SBNO1: variants seen among roughly 807,000 people sequenced by gnomAD.
The protein encoded by SBNO1 is strawberry notch homolog 1.
A neutral mutation model predicts 173.6 loss-of-function variants in SBNO1; 23 were observed. The observed-to-expected ratio is 0.13, with a 90% CI of 0.10 to 0.19. The LOEUF (loss-of-function observed/expected upper bound fraction) is 0.19. SBNO1 is among the 10% of genes least tolerant of loss of function. SBNO1 has a pLI of 1.00. For missense variants in SBNO1, 1,238 were observed against 1,671.2 expected (o/e 0.74, Z 4.52); for synonymous variants, 632 against 571.5 (o/e 1.11, Z -1.51).
intron 1 of SBNO1, among the ~76,000 whole-genome samples, chr12:123,358,099 G>A (rs532333679): frequency 5.9e-5 from 9 of 152,296 alleles, no homozygotes; most frequent in Admixed American, 2.0e-4. Flanking sequence ...CATACATAAT[G>A]AGATATCTTA....
intron 25 of SBNO1, 99 bp downstream of exon 25, chr12:123,310,956 A>C (rs1462334735): frequency 1.0e-5 from 9 of 898,054 alleles, no homozygotes; most frequent in Non-Finnish European, 1.3e-5. Context: ...AGAATGTTTT[A>C]AGAACATGAA....
At chr12:123,361,370 G>C (rs1875141356) in intron 1 of SBNO1, among the ~76,000 whole-genome samples, 1 of 151,712 alleles carries the variant, frequency 6.6e-6, no homozygotes, top group Admixed American at 6.6e-5. Context: ...TCAACATGCA[G>C]AAACCCCGTC....
intron 1 of SBNO1, among the ~76,000 whole-genome samples, chr12:123,353,699 A>G (rs1411083095): frequency 1.3e-5 from 2 of 152,234 alleles, no homozygotes; most frequent in African/African-American, 2.4e-5. Flanking sequence ...ACAAGTACCT[A>G]GAGCTCTAAA....
At chr12:123,351,703 G>A (rs878897409) in intron 1 of SBNO1, among the ~76,000 whole-genome samples, 1 of 152,184 alleles carries the variant, frequency 6.6e-6, no homozygotes, top group Admixed American at 6.6e-5. Context: ...GGAGCAGAAT[G>A]ACATCTTGGG....
Position 123,348,125 on chromosome 12 carries a change from T to C in SBNO1, c.141A>G (p.Pro47=). 6.3e-7 allele frequency: 1 copy of C among 1,592,826 alleles called. No individual in the cohort carries two copies. Among genetic ancestry groups the C allele is most frequent in the Middle Eastern group, 1.7e-4 (1 of 6,004 alleles). The change falls in exon 3 of 32, where the codon CCA becomes CCG. Residue 47 remains proline (P), a synonymous_variant. Coordinates refer to ENST00000602398, the MANE Select transcript of SBNO1 (RefSeq NM_001167856.3). Reference sequence around the variant, plus strand: ...CCAAACCTAGTTCTAATGCACTAAGTGGCACTGACTGGAGAGAAAACAACA... The same window carrying C: ...CCAAACCTAGTTCTAATGCACTAAGCGGCACTGACTGGAGAGAAAACAACA... The part of the protein sequence containing the change: ...MPTPSVQQSV[P]LSALELGLET...
intron 1 of SBNO1, among the ~76,000 whole-genome samples, chr12:123,352,767 T>C (rs1178642367): frequency 3.3e-5 from 5 of 151,982 alleles, no homozygotes; most frequent in East Asian, 1.9e-4. Flanking sequence ...GGCAGACCAC[T>C]GTGTAGAAGA....
chr12:123,325,916 G>C (rs1186904150), intron 14 of SBNO1, among the ~76,000 whole-genome samples: 2 of 152,134 alleles, frequency 1.3e-5, no homozygotes, highest in African/African-American at 4.8e-5. Context: ...ACATCCATAT[G>C]TTACCAGTGC....
At chr12:123,332,549 C>T (rs1001947075) in intron 7 of SBNO1, among the ~76,000 whole-genome samples, 12 of 151,216 alleles carry the variant, frequency 7.9e-5, no homozygotes, top group Admixed American at 7.9e-4. Context: ...GCTTCAGCCT[C>T]CCAAAGTGCC....
intron 17 of SBNO1, 23 bp from the exon 18 acceptor site, chr12:123,320,889 T>C (rs763545828): frequency 2.7e-6 from 4 of 1,497,004 alleles, no homozygotes; most frequent in Non-Finnish European, 3.6e-6. Flanking sequence ...GAAAGATACA[T>C]GTCAAATCAT....
chr12:123,322,867 C>T (rs996923705), intron 16 of SBNO1, among the ~76,000 whole-genome samples: 2 of 147,754 alleles, frequency 1.4e-5, no homozygotes, highest in African/African-American at 2.5e-5. Flanking sequence ...GTGACGGAGA[C>T]GGAGACCCTG....
chr12:123,319,860 C>A, intron 20 of SBNO1, 40 bp downstream of exon 20: 1 of 1,583,222 alleles, frequency 6.3e-7, no homozygotes, highest in Non-Finnish European at 8.7e-7. Context: ...AATATACAGG[C>A]ATTGTTCTTT....
At chr12:123,359,772 C>T (rs1161792318) in intron 1 of SBNO1, among the ~76,000 whole-genome samples, 2 of 152,136 alleles carry the variant, frequency 1.3e-5, no homozygotes, top group Non-Finnish European at 2.9e-5. Flanking sequence ...ATCCTTTCCA[C>T]TTAAGGAAAT....
intron 25 of SBNO1, among the ~76,000 whole-genome samples, chr12:123,310,580 G>T (rs1419509084): frequency 6.6e-6 from 1 of 151,222 alleles, no homozygotes; most frequent in African/African-American, 2.4e-5. Flanking sequence ...TGTCGCCGAA[G>T]TTGGAGTGCA....
In SBNO1 at chr12:123,330,615, A is replaced by C. The variant is rs1314022566; in HGVS notation, c.1044-106T>G. 6.9e-5 allele frequency: 41 copies of C among 590,936 alleles called. No individual in the cohort carries two copies. In the East Asian group the frequency reaches 1.3e-3, roughly 18 times the overall value. 36.6% of individuals were successfully genotyped at this position (590,936 alleles called of 1,614,324 possible). A position where few individuals can be genotyped will look rare whatever the true frequency, so the allele number is the denominator to read the frequency against. On this transcript the variant is annotated intron_variant, in intron 8 of 31. Coordinates refer to ENST00000602398, the MANE Select transcript of SBNO1 (RefSeq NM_001167856.3). ...CTTGACACTTAAAAAAAAAAAAAAA[A>C]AGAAAAAGAAAATACACTTACTCAT...
At chr12:123,340,471 C>T (rs949082490) in intron 5 of SBNO1, among the ~76,000 whole-genome samples, 1 of 151,156 alleles carries the variant, frequency 6.6e-6, no homozygotes. Flanking sequence ...ATCCCAGCTA[C>T]TTGAGAGGCT....
At chr12:123,326,445 A>T in intron 13 of SBNO1, 111 bp from the exon 14 acceptor site, 1 of 578,230 alleles carries the variant, frequency 1.7e-6, no homozygotes, top group Admixed American at 3.7e-5. Flanking sequence ...TATTAATTTA[A>T]TAAATCATCT....
chr12:123,358,426 C>T (rs1874707459), intron 1 of SBNO1, among the ~76,000 whole-genome samples: 2 of 152,108 alleles, frequency 1.3e-5, no homozygotes, highest in Admixed American at 6.6e-5. Context: ...TACCCATTAT[C>T]CCTTTGTCAC....
intron 2 of SBNO1, 37 bp from the exon 3 acceptor site, chr12:123,348,170 A>G: frequency 8.9e-7 from 1 of 1,125,066 alleles, no homozygotes; most frequent in African/African-American, 1.5e-5. Context: ...AAATAAAAGG[A>G]CAGCAGTAAA....
At chr12:123,364,633 G>GGGT in intron 1 of SBNO1, 68 bp downstream of exon 1, 4 of 978,516 alleles carry the variant, frequency 4.1e-6, no homozygotes, top group African/African-American at 1.8e-5. Flanking sequence ...GGCCCCCCGA[G>GGGT]GGTGGGAGTG....
Sources: gnomAD v4.1 joint callset for allele counts (sites outside exome capture counted in the v4.1 genomes callset) on GRCh38, gnomAD v4.1.1 for gene constraint, MANE v1.5 for transcripts, NCBI Gene and HGNC (gene_info 2026-07-23, HGNC 2026-07-21) for gene names.